Variants in AP1G1 observed in about 807,000 individuals in gnomAD.
AP1G1 encodes AP-1 complex subunit gamma-1.
A neutral mutation model predicts 108.3 loss-of-function variants in AP1G1; 7 were observed. The ratio of observed to expected loss-of-function variants is 0.06; its 90% CI spans 0.04 to 0.12. The LOEUF is 0.12. Among genes scored for constraint, AP1G1 ranks in the 10% least tolerant of loss-of-function variants. AP1G1 has a pLI of 1.00. For missense variants in AP1G1, 756 were observed against 1,010.7 expected, an observed-to-expected ratio of 0.75 and a Z score of 3.42; for synonymous variants, 379 against 353.5, an observed-to-expected ratio of 1.07 and a Z score of -0.81.
chr16:71,747,161 A>G (rs2030224003), intron 16 of AP1G1: 1 of 152,310 alleles, frequency 6.6e-6, no homozygotes, highest in South Asian at 2.1e-4. Flanking sequence ...TTTTTATAAG[A>G]CTTCACATTT....
intron 3 of AP1G1, 39 bp downstream of exon 3, chr16:71,774,429 T>C (rs761729163): frequency 7.4e-5 from 116 of 1,577,884 alleles, no homozygotes; most frequent in Non-Finnish European, 9.7e-5. Flanking sequence ...AAGAACAAAG[T>C]AGTTAACAGT....
At chr16:71,807,400 C>A (rs1384078849) in intron 1 of AP1G1, among the ~76,000 whole-genome samples, 4 of 152,140 alleles carry the variant, frequency 2.6e-5, no homozygotes, top group African/African-American at 9.7e-5. Flanking sequence ...CCACTGCACT[C>A]CAGCCTGGAG....
Position 71,733,049 on chromosome 16 carries a change from G to T in AP1G1, c.*9C>A. 1 of 1,606,066 alleles carries T rather than the reference G, an allele frequency of 6.2e-7. No homozygotes were observed. The highest frequency in any genetic ancestry group is 8.5e-7 in the Non-Finnish European group (1 of 1,173,208). ...GAGTGGGATAAAGAATGAGAATGGT[G>T]CCAAACCCTCATTGCCAGGACTGAG... On this transcript the variant is annotated 3_prime_UTR_variant, in exon 23 of 23. Coordinates refer to ENST00000299980, the MANE Select transcript of AP1G1 (RefSeq NM_001128.6).
chr16:71,769,085 C>A (rs1369987995), intron 6 of AP1G1, among the ~76,000 whole-genome samples: 1 of 149,576 alleles, frequency 6.7e-6, no homozygotes, highest in Admixed American at 6.7e-5. Flanking sequence ...GAGTTCAAGA[C>A]CAGCTTGGCC....
In AP1G1 at chr16:71,765,590, G is replaced by A. The variant is rs763469421; in HGVS notation, c.643-6C>T. The A allele has an allele frequency of 6.2e-7, 1 of 1,601,290 alleles. No homozygotes were observed. The highest frequency in any genetic ancestry group is 8.6e-7 in the Non-Finnish European group (1 of 1,168,544). On this transcript the variant is annotated splice_region_variant and splice_polypyrimidine_tract_variant and intron_variant, in intron 6 of 22. Transcript: ENST00000299980. ...CGAACTAATTGGGGCACAAGCTGCAGAGAAGAAAGATGCATCAAAAAACAG... is the reference window on the plus strand; with the variant it reads ...CGAACTAATTGGGGCACAAGCTGCAAAGAAGAAAGATGCATCAAAAAACAG...
At chr16:71,767,232 T>C (rs988637018) in intron 6 of AP1G1, among the ~76,000 whole-genome samples, 1 of 152,202 alleles carries the variant, frequency 6.6e-6, no homozygotes, top group African/African-American at 2.4e-5. Context: ...ATGTTCAGCA[T>C]ACAATTCTTG....
At chr16:71,793,421 A>G (rs2032473502) in intron 1 of AP1G1, among the ~76,000 whole-genome samples, 1 of 152,178 alleles carries the variant, frequency 6.6e-6, no homozygotes, top group Non-Finnish European at 1.5e-5. Flanking sequence ...TAAGGGAAAG[A>G]GGGGAGGAGG....
At chr16:71,777,149 G>T (rs2031815368) in intron 2 of AP1G1, among the ~76,000 whole-genome samples, 1 of 150,652 alleles carries the variant, frequency 6.6e-6, no homozygotes, top group Non-Finnish European at 1.5e-5. Flanking sequence ...ACCAAAAAGG[G>T]AGGGGAGGGA....
At chr16:71,769,256 C>G (rs923909658) in intron 6 of AP1G1, among the ~76,000 whole-genome samples, 1 of 151,578 alleles carries the variant, frequency 6.6e-6, no homozygotes, top group Non-Finnish European at 1.5e-5. Context: ...GCACTCCAGC[C>G]TGGGCAAAAA....
At position 71,789,349 on chromosome 16, in the gene AP1G1, G is replaced by A. The variant is rs1043416245; in HGVS notation, c.131C>T (p.Thr44Ile). Residue 44 changes from threonine (T) to isoleucine (I), a missense_variant, in exon 2 of 23, where the codon ACA becomes ATA. Thr to Ile is a moderately conservative substitution (Grantham distance 89). This residue lies in a region of AP1G1 where 304 missense variants were observed against 483.6 expected (regional missense o/e 0.63). Coordinates refer to ENST00000299980, the MANE Select transcript of AP1G1 (RefSeq NM_001128.6). ...IRSSFREEDN[T>I]YRCRNVAKLL... is the part of the protein sequence containing the mutation. ...TTTTGCCACATTCCGACATCGGTAT[G>A]TATTGTCTTCTTCTCTAAAAGATGA... 1 of 1,614,226 alleles carries A rather than the reference G, an allele frequency of 6.2e-7. No homozygotes were observed. Among genetic ancestry groups the A allele is most frequent in the Non-Finnish European group, 8.5e-7 (1 of 1,180,040 alleles).
At position 71,729,953 on chromosome 16, in the gene AP1G1, C is replaced by T. The variant is rs2045462505; in HGVS notation, c.*3105G>A. 1 of 152,458 alleles carries T rather than the reference C, an allele frequency of 6.6e-6. No individual in the cohort carries two copies. The highest frequency in any genetic ancestry group is 2.4e-5 in the African/African-American group (1 of 41,422). The allele number at this position is 152,458 out of a possible 1,614,324, so 9.4% of individuals were successfully genotyped here. On this transcript the variant is annotated 3_prime_UTR_variant, in exon 23 of 23. Transcript: ENST00000299980. ...AGCAGTACTCCCTAACTTCCAATTT[C>T]TACGACATAAAAAAAATGGGAAGCA...
chr16:71,765,893 G>A (rs1262804881), intron 6 of AP1G1, among the ~76,000 whole-genome samples: 1 of 152,074 alleles, frequency 6.6e-6, no homozygotes, highest in Non-Finnish European at 1.5e-5. Context: ...GATGCCTATG[G>A]GGCATACCGC....
chr16:71,780,587 G>A (rs1272240452), intron 2 of AP1G1, among the ~76,000 whole-genome samples: 1 of 151,306 alleles, frequency 6.6e-6, no homozygotes, highest in African/African-American at 2.4e-5. Flanking sequence ...ATTTTAACAG[G>A]CCTGCAACTG....
rs147764957 is a variant in AP1G1 at position 71,805,171 on chromosome 16, G to A, written c.-4+3592C>T. On this transcript the variant is annotated intron_variant, in intron 1 of 22. Coordinates refer to ENST00000299980, the MANE Select transcript of AP1G1 (RefSeq NM_001128.6). ...ATCAAGAACCGAAAACAGACTGAAC[G>A]CAGTGGCTCCTCCTGCCTGTAATCC... Among the ~76,000 whole-genome samples the A allele has an allele frequency of 3.5e-3, 526 of 152,234 alleles. 8 individuals are homozygous for A. The highest frequency in any genetic ancestry group is 0.012 in the African/African-American group (492 of 41,544).
intron 6 of AP1G1, 189 bp from the exon 7 acceptor site, chr16:71,765,773 T>C: frequency 1.9e-6 from 1 of 516,820 alleles, no homozygotes; most frequent in South Asian, 2.0e-5. Context: ...CAAGAAGTAG[T>C]ATGTATTTTA....
rs974048079 is a variant in AP1G1, at chr16:71,732,809, G to A, written c.*249C>T. ...GTAAATGTGGGAGGGGTGGAGAAGTGCGGAAAAAGGAGAAGAGGAAGAGTG... is the reference window on the plus strand; with the variant it reads ...GTAAATGTGGGAGGGGTGGAGAAGTACGGAAAAAGGAGAAGAGGAAGAGTG... On this transcript the variant is annotated 3_prime_UTR_variant, in exon 23 of 23. Transcript: ENST00000299980. 2 of 391,210 alleles carry A rather than the reference G, an allele frequency of 5.1e-6. No individual in the cohort carries two copies. Among genetic ancestry groups the A allele is most frequent in the African/African-American group, 2.0e-5 (1 of 48,822 alleles). 24.2% of individuals were successfully genotyped at this position (391,210 alleles called of 1,614,324 possible).
chr16:71,759,471 A>AAATTAATT (rs2030970463), intron 10 of AP1G1, among the ~76,000 whole-genome samples: 1 of 132,810 alleles, frequency 7.5e-6, no homozygotes, highest in African/African-American at 2.8e-5. Context: ...AAAAAAAAAT[A>AAATTAATT]AAATTGGGAC....
intron 1 of AP1G1, chr16:71,807,952 G>C: frequency 2.4e-6 from 3 of 1,257,714 alleles, no homozygotes; most frequent in Non-Finnish European, 2.1e-6. Flanking sequence ...ACATTTGACA[G>C]CTCTTGCCTC....
Position 71,732,911 on chromosome 16 carries a change from C to A in AP1G1, c.*147G>T. 1.6e-6 allele frequency: 1 copy of A among 620,588 alleles called. No individual in the cohort carries two copies. Among genetic ancestry groups the A allele is most frequent in the Non-Finnish European group, 2.8e-6 (1 of 354,214 alleles). The allele number at this position is 620,588 out of a possible 1,614,324, so 38.4% of individuals were successfully genotyped here. ...GTCTTTAACAATGCTTCAAGGTCAG[C>A]AGTAACTTTAGGAAAATCCTCCTCA... On this transcript the variant is annotated 3_prime_UTR_variant, in exon 23 of 23. Transcript: ENST00000299980.
Sources: gnomAD v4.1 joint callset for allele counts (sites outside exome capture counted in the v4.1 genomes callset) on GRCh38, gnomAD v4.1.1 for gene constraint, gnomAD v4.1.1 regional missense constraint, MANE v1.5 for transcripts, NCBI Gene and HGNC (gene_info 2026-07-23, HGNC 2026-07-21) for gene names.